The following HECA variants were observed in gnomAD, a reference collection of about 807,000 sequenced individuals.
HECA encodes the protein headcase protein homolog.
A neutral mutation model predicts 37.6 loss-of-function variants in HECA; 13 were observed. That is an observed-to-expected ratio of 0.35 (90% CI 0.23 to 0.55). The LOEUF (loss-of-function observed/expected upper bound fraction) is 0.55. Ranked by LOEUF, HECA falls within the 20% of genes least tolerant of loss-of-function variation. The pLI, the probability that HECA is intolerant of heterozygous loss-of-function variation, is 0.90. For missense variants in HECA, 527 were observed against 701.9 expected, an observed-to-expected ratio of 0.75 and a Z score of 2.82; for synonymous variants, 307 against 291.5, an observed-to-expected ratio of 1.05 and a Z score of -0.54.
At chr6:139,164,091 C>CTCTG (rs1562247428) in intron 1 of HECA, among the ~76,000 whole-genome samples, 1 of 151,564 alleles carries the variant, frequency 6.6e-6, no homozygotes, top group Non-Finnish European at 1.5e-5. Context: ...CTCTCTCTCT[C>CTCTG]TCTCTCTCTG....
At chr6:139,161,934 C>G (rs1774809765) in intron 1 of HECA, among the ~76,000 whole-genome samples, 1 of 152,248 alleles carries the variant, frequency 6.6e-6, no homozygotes, top group Non-Finnish European at 1.5e-5. Context: ...TTTCAAACCA[C>G]TCTTCTACTT....
At chr6:139,138,823 C>T (rs1774480681) in intron 1 of HECA, among the ~76,000 whole-genome samples, 2 of 152,098 alleles carry the variant, frequency 1.3e-5, no homozygotes, top group Admixed American at 1.3e-4. Context: ...GCTTATTTTT[C>T]AGGGATTGGT....
rs951240735 is a variant in HECA at position 139,178,952 on chromosome 6, A to G, written c.*1847A>G. 6 of 152,214 alleles carry G rather than the reference A, an allele frequency of 3.9e-5. No homozygotes were observed. The highest frequency in any genetic ancestry group is 3.9e-4 in the Admixed American group (6 of 15,280). The allele number at this position is 152,214 out of a possible 1,614,324, so 9.4% of individuals were successfully genotyped here. ...TAAAGAACCAATGTTATTCACTAAT[A>G]TCATTCATCTTTCAGTTTGGATGAT... On this transcript the variant is annotated 3_prime_UTR_variant, in exon 4 of 4. Transcript: ENST00000367658.
chr6:139,149,813 G>A (rs1371095522), intron 1 of HECA, among the ~76,000 whole-genome samples: 3 of 152,182 alleles, frequency 2.0e-5, no homozygotes, highest in East Asian at 1.9e-4. Context: ...TGAGGCAACC[G>A]AAGCCTTGAG....
Position 139,166,436 on chromosome 6 carries a change from C to T in HECA, c.424C>T (p.Leu142Phe), listed in dbSNP as rs1410223910. 1 of 1,614,230 alleles carries T rather than the reference C, an allele frequency of 6.2e-7. No homozygotes were observed. The highest frequency in any genetic ancestry group is 1.3e-5 in the African/African-American group (1 of 75,048). The change falls in exon 2 of 4, where the codon CTC becomes TTC. Residue 142 changes from leucine to phenylalanine, a missense_variant. Transcript: ENST00000367658. ...CTTCTACGAGTGGGAGAGCAGCATC[C>T]TCGTCCAGTTCAACTGCATCGGCCG... ...QCFYEWESSILVQFNCIGRAR... is the reference protein window; with the variant it reads ...QCFYEWESSIFVQFNCIGRAR...
intron 2 of HECA, among the ~76,000 whole-genome samples, chr6:139,168,355 T>C (rs1011438044): frequency 6.6e-6 from 1 of 152,110 alleles, no homozygotes; most frequent in Non-Finnish European, 1.5e-5. Context: ...TTTATCTTAT[T>C]ATATAGTACC....
Position 139,176,893 on chromosome 6 carries a change from G to A in HECA, c.1468-48G>A. 2.4e-6 allele frequency: 2 copies of A among 841,522 alleles called. No individual in the cohort carries two copies. Among genetic ancestry groups the A allele is most frequent in the South Asian group, 2.7e-5 (2 of 74,344 alleles). The allele number at this position is 841,522 out of a possible 1,614,324, so 52.1% of individuals were successfully genotyped here. A position where few individuals can be genotyped will look rare whatever the true frequency, so the allele number is the denominator to read the frequency against. ...TTTGGTTTGGATGACTTTGACAAGT[G>A]TTGGGAAGTGGAGGGGTGTTGTGGC... On this transcript the variant is annotated intron_variant, in intron 3 of 3. Transcript: ENST00000367658. The surrounding 1 kb of genome is among the most constrained non-coding windows in gnomAD (Gnocchi z 4.5).
chr6:139,151,985 CAGAA>C (rs949107258), intron 1 of HECA, among the ~76,000 whole-genome samples: 70 of 152,256 alleles, frequency 4.6e-4, no homozygotes, highest in African/African-American at 1.5e-3. Flanking sequence ...TTCCTGTGCT[CAGAA>C]AGAGTATGTG....
At position 139,151,480 on chromosome 6, in the gene HECA, G is replaced by A. The variant is rs902390493; in HGVS notation, c.272-14804G>A. Among the ~76,000 whole-genome samples the A allele has an allele frequency of 4.6e-4, 70 of 152,060 alleles. 1 individual carries two copies. Among genetic ancestry groups the A allele is most frequent in the African/African-American group, 1.6e-3 (66 of 41,452 alleles). On this transcript the variant is annotated intron_variant, in intron 1 of 3. Transcript: ENST00000367658. ...GGCTGAACTTCTGTTTCTTCCGGCC[G>A]TGCTTTTTCTGCTACTTAATTTGAT...
chr6:139,163,378 G>A (rs1247111420), intron 1 of HECA, among the ~76,000 whole-genome samples: 1 of 142,678 alleles, frequency 7.0e-6, no homozygotes, highest in Admixed American at 7.6e-5. Context: ...TTTTTTAAAG[G>A]GAGTCTCACT....
At chr6:139,144,999 G>T (rs1031351489) in intron 1 of HECA, among the ~76,000 whole-genome samples, 1 of 152,212 alleles carries the variant, frequency 6.6e-6, no homozygotes, top group Non-Finnish European at 1.5e-5. Context: ...TTCTCTAGAG[G>T]CAGGGGCTTG....
rs147766051 is a variant in HECA, at chr6:139,167,012, G to A, written c.1000G>A (p.Gly334Arg). The A allele has an allele frequency of 1.7e-5, 28 of 1,614,116 alleles. No homozygotes were observed. In the African/African-American group the frequency reaches 3.3e-4, roughly 19 times the overall value. The change falls in exon 2 of 4, where the codon GGG becomes AGG. Residue 334 changes from glycine to arginine, a missense_variant. Transcript: ENST00000367658. ...CCCTGCGGGGTTGGCAGTTCACAGG[G>A]GGGGACACTTCGACACCCCCGTGCA... ...YSPAGLAVHR[G>R]GHFDTPVQFL...
At chr6:139,136,176 C>T (rs1233558362) in intron 1 of HECA, among the ~76,000 whole-genome samples, 1 of 149,140 alleles carries the variant, frequency 6.7e-6, no homozygotes, top group Admixed American at 6.7e-5. Context: ...GGCCTCGAGA[C>T]ATTTAGGGCC....
intron 1 of HECA, among the ~76,000 whole-genome samples, chr6:139,151,557 C>T (rs190819868): frequency 2.0e-5 from 3 of 152,262 alleles, no homozygotes; most frequent in African/African-American, 7.2e-5. Context: ...AAAGGAAAAT[C>T]CTCCTCTTTT....
At chr6:139,170,216 G>A (rs1051790680) in intron 2 of HECA, 1 of 152,130 alleles carries the variant, frequency 6.6e-6, no homozygotes, top group African/African-American at 2.4e-5. Context: ...GAATAGTAGT[G>A]TTCTTTTTCT....
chr6:139,138,373 T>C (rs1023553347), intron 1 of HECA, among the ~76,000 whole-genome samples: 1 of 152,226 alleles, frequency 6.6e-6, no homozygotes, highest in Non-Finnish European at 1.5e-5. Context: ...AAATTACAAA[T>C]CAAGTAATTA....
At chr6:139,162,769 G>A (rs985032368) in intron 1 of HECA, among the ~76,000 whole-genome samples, 1 of 152,204 alleles carries the variant, frequency 6.6e-6, no homozygotes, top group African/African-American at 2.4e-5. Context: ...TGTTGTGTCT[G>A]TGGTTCAGTG....
chr6:139,179,999 G>A lies in HECA; in HGVS notation c.*2894G>A, dbSNP rs183104450. 1 of 152,238 alleles carries A rather than the reference G, an allele frequency of 6.6e-6. No individual in the cohort carries two copies. The highest frequency in any genetic ancestry group is 2.4e-5 in the African/African-American group (1 of 41,546). 9.4% of individuals were successfully genotyped at this position (152,238 alleles called of 1,614,324 possible). On this transcript the variant is annotated 3_prime_UTR_variant, in exon 4 of 4. Transcript: ENST00000367658. ...GTGAGAGGACAATTTCTGATTGATT[G>A]TTTTCTCTTCAGGCCATCTCACCTC... is the stretch of plus-strand genomic sequence containing the variant.
chr6:139,166,319 G>A lies in HECA; in HGVS notation c.307G>A (p.Gly103Ser), dbSNP rs761324649. ...TGCCACTCCCCTGATCTGCAGCTTC[G>A]GTAGGCCGGTGGACCTGGAGAAGGA... is the stretch of plus-strand genomic sequence containing the variant. Reference protein sequence around the residue: ...PCATPLICSFGRPVDLEKDDY... With the variant: ...PCATPLICSFSRPVDLEKDDY... The change falls in exon 2 of 4, where the codon GGT (glycine) becomes AGT (serine). Residue 103 changes from glycine to serine, a missense_variant. Physicochemically the swap from Gly to Ser is moderately conservative, Grantham distance 56. This residue lies in a region of HECA where 172 missense variants were observed against 197.6 expected (regional missense o/e 0.87). Coordinates refer to ENST00000367658, the MANE Select transcript of HECA (RefSeq NM_016217.3). 62 of 1,611,620 alleles carry A rather than the reference G, an allele frequency of 3.8e-5. No homozygotes were observed. The highest frequency in any genetic ancestry group is 5.3e-5 in the African/African-American group (4 of 74,888).
Sources: allele counts gnomAD v4.1 joint callset (sites outside exome capture counted in the v4.1 genomes callset), GRCh38; gene constraint gnomAD v4.1.1; regional missense constraint gnomAD v4.1.1; non-coding constraint Gnocchi (gnomAD v3.1); transcripts MANE v1.5; gene names NCBI Gene and HGNC (gene_info 2026-07-23, HGNC 2026-07-21).